The following ADCY4 variants were observed in gnomAD, a reference collection of about 807,000 sequenced individuals.
ADCY4 encodes adenylate cyclase 4, also known as adenylate cyclase type 4.
A neutral mutation model predicts 125.5 loss-of-function variants in ADCY4; 111 were observed. That is an observed-to-expected ratio of 0.88 (90% confidence interval 0.76 to 1.04). ADCY4 has a LOEUF of 1.04. ADCY4 is among the 50% of genes least tolerant of loss of function. The probability of loss-of-function intolerance (pLI) is 0.00; values close to 1 mark genes in which losing one functional copy is unlikely to be tolerated. For missense variants in ADCY4, 1,256 were observed against 1,382.9 expected, an observed-to-expected ratio of 0.91 and a Z score of 1.46; for synonymous variants, 576 against 586.9, an observed-to-expected ratio of 0.98 and a Z score of 0.27.
chr14:24,330,379 C>T (rs868438138), intron 6 of ADCY4, 84 bp from the exon 7 acceptor site: 39 of 1,584,480 alleles, frequency 2.5e-5, no homozygotes, highest in African/African-American at 1.2e-4. Flanking sequence ...GGGCAGCGAG[C>T]GGGGTATTCC....
At chr14:24,329,292 C>A in intron 9 of ADCY4, 58 bp from the exon 10 acceptor site, 1 of 1,591,152 alleles carries the variant, frequency 6.3e-7, no homozygotes, top group African/African-American at 1.3e-5. Context: ...TCTCCCTCCA[C>A]CCCCCACTAG....
At chr14:24,331,627 C>G (rs2042042602) in intron 4 of ADCY4, 161 bp downstream of exon 4, 4 of 1,172,322 alleles carry the variant, frequency 3.4e-6, no homozygotes, top group African/African-American at 1.6e-5. Context: ...TTGTTTGAGC[C>G]TCACAACCTT....
At chr14:24,328,984 A>T in intron 10 of ADCY4, 77 bp downstream of exon 10, 1 of 1,521,012 alleles carries the variant, frequency 6.6e-7, no homozygotes, top group East Asian at 2.3e-5. Flanking sequence ...GGGGGCAGGG[A>T]AGGCTGCCAG....
intron 8 of ADCY4, 115 bp from the exon 9 acceptor site, chr14:24,329,648 C>T (rs182203608): frequency 9.2e-5 from 133 of 1,439,850 alleles, no homozygotes; most frequent in African/African-American, 4.8e-4. Context: ...TTTTAAAGAT[C>T]GTTCCTGGAT....
chr14:24,330,348 T>C, intron 6 of ADCY4, 53 bp from the exon 7 acceptor site: 1 of 1,605,586 alleles, frequency 6.2e-7, no homozygotes, highest in Non-Finnish European at 8.5e-7. Context: ...GTCAGAAGGG[T>C]AGGAGGGAGT....
chr14:24,325,561 C>T, intron 13 of ADCY4, 87 bp from the exon 14 acceptor site: 1 of 1,196,844 alleles, frequency 8.4e-7, no homozygotes, highest in South Asian at 1.3e-5. Context: ...GGGTGGGCTC[C>T]TCAGCCTCAC....
intron 16 of ADCY4, chr14:24,323,702 T>G: frequency 7.4e-7 from 1 of 1,360,322 alleles, no homozygotes. Context: ...CCACTTAGCC[T>G]CTCTGGGCCT....
rs2041813270 is a variant in ADCY4, at chr14:24,319,071, A to C, written c.2956+27T>G. The C allele has an allele frequency of 1.2e-6, 2 of 1,611,220 alleles. No individual in the cohort carries two copies. Among genetic ancestry groups the C allele is most frequent in the Middle Eastern group, 1.7e-4 (1 of 6,058 alleles). Reference sequence around the variant, plus strand: ...GCTCAGGAAGGTGAGGAGGTACCAGACTGCTGCAGCAGGGGAAGTCTCTCA... The same window carrying C: ...GCTCAGGAAGGTGAGGAGGTACCAGCCTGCTGCAGCAGGGGAAGTCTCTCA... On this transcript the variant is annotated intron_variant, in intron 23 of 24. Transcript: ENST00000418030. This position sits in a 1 kb window ranked among gnomAD's most constrained non-coding sequence, Gnocchi z 4.5.
At position 24,318,725 on chromosome 14, in the gene ADCY4, A is replaced by T. The variant is rs1244347512; in HGVS notation, c.3010T>A (p.Tyr1004Asn). Residue 1004 changes from tyrosine (Y) to asparagine (N), a missense_variant, in exon 24 of 25, where the codon TAT becomes AAT. Transcript: ENST00000418030. ...TTCACTGTGTTGCCCCAAATGTCAT[A>T]TTGCGGCTTCTGGGCCCCAATAACT... ...AGVIGAQKPQ[Y>N]DIWGNTVNVA... 1.9e-6 allele frequency: 3 copies of T among 1,614,000 alleles called. No individual in the cohort carries two copies. The highest frequency in any genetic ancestry group is 2.5e-6 in the Non-Finnish European group (3 of 1,180,012).
At chr14:24,331,625 G>C in intron 4 of ADCY4, 163 bp downstream of exon 4, 2 of 1,145,642 alleles carry the variant, frequency 1.7e-6, no homozygotes, top group Non-Finnish European at 2.4e-6. Flanking sequence ...GTTTGTTTGA[G>C]CCTCACAACC....
intron 13 of ADCY4, 131 bp downstream of exon 13, chr14:24,325,687 A>T (rs1368659091): frequency 8.1e-6 from 9 of 1,110,424 alleles, no homozygotes; most frequent in Non-Finnish European, 1.2e-5. Context: ...CTTTAGAGAG[A>T]GGCACAAGCT....
At position 24,319,693 on chromosome 14, in the gene ADCY4, A is replaced by T; in HGVS notation, c.2733+49T>A. 6.2e-7 allele frequency: 1 copy of T among 1,611,748 alleles called. No individual in the cohort carries two copies. Among genetic ancestry groups the T allele is most frequent in the Admixed American group, 1.7e-5 (1 of 59,662 alleles). On this transcript the variant is annotated intron_variant, in intron 21 of 24. Coordinates refer to ENST00000418030, the MANE Select transcript of ADCY4 (RefSeq NM_001198568.2). This position sits in a 1 kb window ranked among gnomAD's most constrained non-coding sequence, Gnocchi z 4.5. ...AAAGTGGAAGGAGGTACTGGTGGAA[A>T]ATTCTAGAATCTAGGACATAGGGTC...
Position 24,331,233 on chromosome 14 carries a change from A to G in ADCY4, c.793T>C (p.Tyr265His), listed in dbSNP as rs777841388. 3.1e-6 allele frequency: 5 copies of G among 1,614,014 alleles called. No homozygotes were observed. Among genetic ancestry groups the G allele is most frequent in the Non-Finnish European group, 4.2e-6 (5 of 1,180,004 alleles). The change falls in exon 5 of 25, where the codon TAT (tyrosine) becomes CAT (histidine). Residue 265 changes from tyrosine to histidine, a missense_variant. By Grantham distance (83) the Tyr-to-His change is moderately conservative. Transcript: ENST00000418030. ...CTGACTCCCTGGTGCCTCTTGACAT[A>G]GAGGCTGTGGAAATTGTTAGTGCTC... ...PESTNNFHSLYVKRHQGVSVL... is the reference protein window; with the variant it reads ...PESTNNFHSLHVKRHQGVSVL...
chr14:24,330,328 C>T (rs760636692), intron 6 of ADCY4, 33 bp from the exon 7 acceptor site: 23 of 1,613,078 alleles, frequency 1.4e-5, no homozygotes, highest in Non-Finnish European at 3.4e-6. Context: ...GCAGAGGAAC[C>T]TGGTTAGAGG....
intron 2 of ADCY4, 35 bp from the exon 3 acceptor site, chr14:24,332,718 T>TGG: frequency 1.9e-6 from 3 of 1,566,910 alleles, no homozygotes. Context: ...AAGGCCCAAG[T>TGG]GGGGCTATTC....
chr14:24,318,621 C>T (rs961093269), intron 24 of ADCY4, 33 bp downstream of exon 24: 21 of 1,613,906 alleles, frequency 1.3e-5, no homozygotes, highest in Non-Finnish European at 1.8e-5. Context: ...TCTTAGTCCC[C>T]CTCCCCCTAT....
Position 24,319,835 on chromosome 14 carries a change from T to C in ADCY4, c.2640A>G (p.Pro880=). The C allele has an allele frequency of 2.5e-6, 4 of 1,614,106 alleles. No individual in the cohort carries two copies. Among genetic ancestry groups the C allele is most frequent in the African/African-American group, 1.3e-5 (1 of 75,024 alleles). Residue 880 remains proline, a synonymous_variant, in exon 21 of 25, where the codon CCA becomes CCG. Transcript: ENST00000418030. The surrounding 1 kb of genome is among the most constrained non-coding windows in gnomAD (Gnocchi z 4.5). The part of the protein sequence containing the change: ...ECVCVLFASV[P]DFKEFYSESN... ...ATTCAGAGTAGAACTCCTTGAAGTC[T>C]GGGACTGAGGCGAAGAGGACACAAA...
At chr14:24,321,839 G>C in intron 20 of ADCY4, 1 of 1,298,712 alleles carries the variant, frequency 7.7e-7, no homozygotes, top group Non-Finnish European at 9.8e-7. Flanking sequence ...GTATGGAATG[G>C]TCATGAGTTA....
chr14:24,321,789 T>C, intron 20 of ADCY4: 1 of 1,143,322 alleles, frequency 8.7e-7, no homozygotes, highest in Non-Finnish European at 1.1e-6. Context: ...TGGGGACCCC[T>C]GCTCCAGACA....
Sources: allele counts gnomAD v4.1 joint callset, GRCh38; gene constraint gnomAD v4.1.1; non-coding constraint Gnocchi (gnomAD v3.1); transcripts MANE v1.5; gene names NCBI Gene and HGNC (gene_info 2026-07-23, HGNC 2026-07-21).